RNF13: variants seen among roughly 807,000 people sequenced by gnomAD.
The protein encoded by RNF13 is ring finger protein 13.
Under a neutral mutation model 37.7 loss-of-function variants are expected in RNF13, and 19 were observed. The ratio of observed to expected loss-of-function variants is 0.50; its 90% CI spans 0.35 to 0.74. The LOEUF is 0.74. Among genes scored for constraint, RNF13 ranks in the 30% least tolerant of loss-of-function variants. The probability of loss-of-function intolerance (pLI) is 0.01; values close to 1 mark genes in which losing one functional copy is unlikely to be tolerated. For missense variants in RNF13, 375 were observed against 453.0 expected (o/e 0.83, Z 1.56); for synonymous variants, 144 against 157.8 (o/e 0.91, Z 0.65).
At chr3:149,903,287 CCTCAATATTG>C (rs1383870504) in intron 6 of RNF13, among the ~76,000 whole-genome samples, 1 of 151,916 alleles carries the variant, frequency 6.6e-6, no homozygotes, top group Non-Finnish European at 1.5e-5. Flanking sequence ...CTTGCTTTTA[CCTCAATATTG>C]CTCCCTCGTT....
chr3:149,817,994 A>T (rs1006089118), intron 1 of RNF13, among the ~76,000 whole-genome samples: 2 of 152,212 alleles, frequency 1.3e-5, no homozygotes, highest in Non-Finnish European at 2.9e-5. Flanking sequence ...AATTGGGTAG[A>T]GCATGATGTT....
At chr3:149,877,720 G>A (rs1283925835) in intron 4 of RNF13, among the ~76,000 whole-genome samples, 4 of 151,858 alleles carry the variant, frequency 2.6e-5, no homozygotes, top group Non-Finnish European at 2.9e-5. Flanking sequence ...TTTTCATAAT[G>A]TATATATTTC....
In RNF13 at chr3:149,912,046, T is replaced by A; in HGVS notation, c.569T>A (p.Ile190Lys). Residue 190 changes from isoleucine (I) to lysine (K), a missense_variant, in exon 7 of 10, where the codon ATA becomes AAA. Ile to Lys is a moderately radical substitution (Grantham distance 102, BLOSUM62 -3). Transcript: ENST00000392894. ...TACTACCTAATTCCCTTCCTTATCA[T>A]AGTGGGCATCTGTCTCATCTTGATA... ...LEYYLIPFLI[I>K]VGICLILIVI... is the part of the protein sequence containing the mutation. 6.3e-7 allele frequency: 1 copy of A among 1,590,852 alleles called. No homozygotes were observed. The highest frequency in any genetic ancestry group is 8.6e-7 in the Non-Finnish European group (1 of 1,159,740).
chr3:149,863,537 G>A (rs1052057440), intron 3 of RNF13, among the ~76,000 whole-genome samples: 4 of 151,946 alleles, frequency 2.6e-5, no homozygotes, highest in African/African-American at 4.8e-5. Flanking sequence ...GTACCACCAC[G>A]CCTGGCTAAT....
Position 149,961,284 on chromosome 3 carries a change from T to C in RNF13, c.*180T>C. The C allele has an allele frequency of 1.5e-6, 1 of 682,162 alleles. No individual in the cohort carries two copies. The highest frequency in any genetic ancestry group is 2.6e-6 in the Non-Finnish European group (1 of 385,216). 42.3% of individuals were successfully genotyped at this position (682,162 alleles called of 1,614,324 possible). A position where few individuals can be genotyped will look rare whatever the true frequency, so the allele number is the denominator to read the frequency against. ...ATTTATCTGCCAAGAATATACTTCA[T>C]TCACTAATAATAGACTGGTGCTGTA... On this transcript the variant is annotated 3_prime_UTR_variant, in exon 10 of 10. Coordinates refer to ENST00000392894, the MANE Select transcript of RNF13 (RefSeq NM_183381.3).
Position 149,961,428 on chromosome 3 carries a change from G to A in RNF13, c.*324G>A, listed in dbSNP as rs930463031. On this transcript the variant is annotated 3_prime_UTR_variant, in exon 10 of 10. Coordinates refer to ENST00000392894, the MANE Select transcript of RNF13 (RefSeq NM_183381.3). ...AGATCACAGTATTTAAGTGTTTTGC[G>A]TTTTATACATGAGGTCAGTGCTACA... The A allele has an allele frequency of 2.5e-5, 12 of 474,284 alleles. No individual in the cohort carries two copies. Among genetic ancestry groups the A allele is most frequent in the Middle Eastern group, 6.3e-4 (2 of 3,152 alleles). The allele number at this position is 474,284 out of a possible 1,614,324, so 29.4% of individuals were successfully genotyped here. A position where few individuals can be genotyped will look rare whatever the true frequency, so the allele number is the denominator to read the frequency against.
At chr3:149,940,713 ATTTACAATC>A (rs1396202677) in intron 8 of RNF13, among the ~76,000 whole-genome samples, 1 of 152,134 alleles carries the variant, frequency 6.6e-6, no homozygotes, top group African/African-American at 2.4e-5. Flanking sequence ...ATAACAATAA[ATTTACAATC>A]TTAACCATTT....
chr3:149,851,027 G>A (rs1723073221), intron 2 of RNF13: 1 of 152,154 alleles, frequency 6.6e-6, no homozygotes, highest in African/African-American at 2.4e-5. Flanking sequence ...ATGACAGAAT[G>A]AATAGGTTTA....
intron 4 of RNF13, among the ~76,000 whole-genome samples, chr3:149,891,167 G>A (rs953220608): frequency 1.3e-5 from 2 of 152,178 alleles, no homozygotes; most frequent in African/African-American, 4.8e-5. Context: ...CTGCCTAAGT[G>A]TGACCTTAGG....
At chr3:149,883,308 C>T (rs1355863532) in intron 4 of RNF13, among the ~76,000 whole-genome samples, 3 of 151,972 alleles carry the variant, frequency 2.0e-5, no homozygotes, top group African/African-American at 4.8e-5. Flanking sequence ...ATTCCTTTGT[C>T]TTCACATTTA....
At chr3:149,905,967 A>G (rs1021267391) in intron 6 of RNF13, among the ~76,000 whole-genome samples, 5 of 152,134 alleles carry the variant, frequency 3.3e-5, no homozygotes, top group Non-Finnish European at 5.9e-5. Context: ...CCCCGTACAC[A>G]TTTGCAGTCA....
At chr3:149,946,999 C>T (rs961827754) in intron 8 of RNF13, among the ~76,000 whole-genome samples, 1 of 152,052 alleles carries the variant, frequency 6.6e-6, no homozygotes. Flanking sequence ...TTTCTAAATT[C>T]CCTTGTGATT....
intron 5 of RNF13, among the ~76,000 whole-genome samples, chr3:149,899,112 G>T (rs1391857621): frequency 1.3e-5 from 2 of 152,154 alleles, no homozygotes; most frequent in Non-Finnish European, 2.9e-5. Flanking sequence ...CAAATATGAT[G>T]GGCCTTGTCA....
chr3:149,865,512 A>G (rs1254162051), intron 3 of RNF13, among the ~76,000 whole-genome samples: 2 of 151,814 alleles, frequency 1.3e-5, no homozygotes, highest in African/African-American at 4.8e-5. Context: ...GTTTCCCAAG[A>G]TGAAGTGCAG....
intron 5 of RNF13, among the ~76,000 whole-genome samples, chr3:149,900,168 A>G (rs547980446): frequency 6.6e-6 from 1 of 152,300 alleles, no homozygotes; most frequent in African/African-American, 2.4e-5. Flanking sequence ...AGCTTTCTAC[A>G]TCTCTTTAGA....
intron 3 of RNF13, among the ~76,000 whole-genome samples, chr3:149,856,680 C>G (rs908056712): frequency 1.3e-5 from 2 of 152,104 alleles, no homozygotes; most frequent in Non-Finnish European, 2.9e-5. Context: ...TGGCTTCAAG[C>G]AATCCTCCTG....
At chr3:149,846,999 C>T (rs1722704733) in intron 2 of RNF13, among the ~76,000 whole-genome samples, 1 of 152,116 alleles carries the variant, frequency 6.6e-6, no homozygotes, top group Non-Finnish European at 1.5e-5. Context: ...TTACTTTCCT[C>T]CACACTGGGG....
At chr3:149,926,235 G>A (rs759077789) in intron 8 of RNF13, among the ~76,000 whole-genome samples, 25 of 151,782 alleles carry the variant, frequency 1.6e-4, no homozygotes, top group East Asian at 5.8e-4. Context: ...TTTTTGAGGC[G>A]GAGTCTCGCT....
At chr3:149,818,360 T>C (rs1169069045) in intron 1 of RNF13, among the ~76,000 whole-genome samples, 3 of 152,190 alleles carry the variant, frequency 2.0e-5, no homozygotes, top group Non-Finnish European at 4.4e-5. Context: ...TAATGAATAC[T>C]ATACCAGATT....
Sources: allele counts gnomAD v4.1 joint callset (sites outside exome capture counted in the v4.1 genomes callset), GRCh38; gene constraint gnomAD v4.1.1; transcripts MANE v1.5; gene names NCBI Gene and HGNC (gene_info 2026-07-23, HGNC 2026-07-21).